The following PCDH11X variants were observed in gnomAD, a reference collection of about 807,000 sequenced individuals.
PCDH11X encodes protocadherin 11 X-linked.
PCDH11X carries 18 observed loss-of-function variants against 53.3 expected under a neutral mutation model. The ratio of observed to expected loss-of-function variants is 0.34; its 90% CI spans 0.23 to 0.50. PCDH11X has a LOEUF of 0.50. PCDH11X is among the 20% of genes least tolerant of loss of function. The probability of loss-of-function intolerance (pLI) is 0.98; values close to 1 mark genes in which losing one functional copy is unlikely to be tolerated. For synonymous variants in PCDH11X, 279 were observed against 393.3 expected (o/e 0.71, Z 3.44); for missense variants, 570 against 1,032.4 (o/e 0.55, Z 6.14).
intron 7 of PCDH11X, among the ~76,000 whole-genome samples, chrX:92,214,815 G>A (rs144548810): frequency 0.012 from 1,287 of 111,474 alleles, 22 homozygotes; most frequent in African/African-American, 0.039. Context: ...TTGGGAAGCC[G>A]TGGCAGGTGG....
At chrX:92,293,812 A>G (rs184602786) in intron 8 of PCDH11X, among the ~76,000 whole-genome samples, 1,181 of 95,091 alleles carry the variant, frequency 0.012, 11 homozygotes, top group Non-Finnish European at 0.018. Flanking sequence ...GTCATCAAAA[A>G]CAAGGAAAAC....
At chrX:92,257,470 C>A (rs1437001246) in intron 7 of PCDH11X, among the ~76,000 whole-genome samples, 2 of 111,635 alleles carry the variant, frequency 1.8e-5, no homozygotes, top group Non-Finnish European at 3.8e-5. Flanking sequence ...CTCAAAAATC[C>A]AAAGTCCAAA....
At chrX:92,286,746 C>T (rs1368391528) in intron 8 of PCDH11X, among the ~76,000 whole-genome samples, 1 of 86,993 alleles carries the variant, frequency 1.1e-5, no homozygotes, top group Non-Finnish European at 2.2e-5. Flanking sequence ...AAAGTAGCTA[C>T]AACTGAAAAT....
At chrX:92,061,877 T>G (rs111785989) in intron 6 of PCDH11X, among the ~76,000 whole-genome samples, 32,767 of 110,766 alleles carry the variant, frequency 0.3, 5,345 homozygotes, top group African/African-American at 0.62. Flanking sequence ...AGTTTGATAA[T>G]AATAGCACTG....
intron 9 of PCDH11X, among the ~76,000 whole-genome samples, chrX:92,422,439 A>G (rs774009270): frequency 1.8e-5 from 2 of 110,169 alleles, no homozygotes; most frequent in Admixed American, 1.9e-4. Context: ...GAGTTACTTT[A>G]CTTAGAATAA....
Position 92,620,509 on chromosome X carries a change from T to C in PCDH11X, c.*1569T>C, listed in dbSNP as rs1226300540. The C allele has an allele frequency of 9.1e-6, 1 of 109,401 alleles. No homozygotes were observed. Among genetic ancestry groups the C allele is most frequent in the African/African-American group, 3.3e-5 (1 of 30,085 alleles). 9.0% of individuals were successfully genotyped at this position (109,401 alleles called of 1,213,427 possible). On this transcript the variant is annotated 3_prime_UTR_variant, in exon 11 of 11. Transcript: ENST00000682573. Reference sequence around the variant, plus strand: ...TGGGGGGGGGAGTCAATATCTCCTATTGATTAACTTAGACATAGATTTTGT... The same window carrying C: ...TGGGGGGGGGAGTCAATATCTCCTACTGATTAACTTAGACATAGATTTTGT...
intron 6 of PCDH11X, among the ~76,000 whole-genome samples, chrX:91,963,875 C>T (rs111727845): frequency 0.014 from 1,526 of 109,748 alleles, 41 homozygotes; most frequent in African/African-American, 0.05. Flanking sequence ...AAGTGCCAAG[C>T]GAAACAAGGA....
intron 9 of PCDH11X, among the ~76,000 whole-genome samples, chrX:92,454,267 G>T: frequency 9.3e-6 from 1 of 107,174 alleles, no homozygotes; most frequent in East Asian, 2.8e-4. Context: ...TAAAATATAT[G>T]TGTATCTAAA....
intron 6 of PCDH11X, among the ~76,000 whole-genome samples, chrX:92,056,479 G>T (rs1219458085): frequency 9.0e-6 from 1 of 111,344 alleles, no homozygotes; most frequent in African/African-American, 3.3e-5. Flanking sequence ...CCATTCTGTA[G>T]GTTGTCTGTT....
intron 4 of PCDH11X, among the ~76,000 whole-genome samples, chrX:91,822,217 C>T (rs1424531357): frequency 1.8e-5 from 2 of 109,494 alleles, no homozygotes; most frequent in Admixed American, 1.9e-4. Context: ...TTCTCTCTTT[C>T]TCTATTGATT....
chrX:92,351,135 A>C (rs1473841558), intron 8 of PCDH11X, among the ~76,000 whole-genome samples: 6 of 111,987 alleles, frequency 5.4e-5, no homozygotes, highest in Non-Finnish European at 1.1e-4. Context: ...TCAGTCCAAA[A>C]ATACAATAAT....
intron 6 of PCDH11X, among the ~76,000 whole-genome samples, chrX:92,189,765 C>T (rs187040506): frequency 1.2e-3 from 138 of 111,706 alleles, no homozygotes; most frequent in African/African-American, 3.8e-3. Context: ...TTGTAACTGG[C>T]GTGACATGGT....
chrX:92,498,914 TATA>T (rs1423513650), intron 10 of PCDH11X, among the ~76,000 whole-genome samples: 6 of 89,383 alleles, frequency 6.7e-5, no homozygotes. Flanking sequence ...ATTATAATAT[TATA>T]ATATTATAAT....
chrX:91,965,916 A>G (rs1192702669), intron 6 of PCDH11X, among the ~76,000 whole-genome samples: 1 of 111,816 alleles, frequency 8.9e-6, no homozygotes, highest in African/African-American at 3.3e-5. Context: ...GATGACAAGT[A>G]TTACCAAGGA....
intron 6 of PCDH11X, among the ~76,000 whole-genome samples, chrX:91,931,541 G>A (rs1343157459): frequency 8.1e-5 from 9 of 110,881 alleles, no homozygotes; most frequent in Non-Finnish European, 1.7e-4. Flanking sequence ...CTCTATTGAA[G>A]GGCTTCAGGT....
At chrX:92,439,279 C>T (rs1219326663) in intron 9 of PCDH11X, among the ~76,000 whole-genome samples, 4 of 111,448 alleles carry the variant, frequency 3.6e-5, no homozygotes, top group Non-Finnish European at 7.5e-5. Context: ...AACAATTAAT[C>T]TTATATATTA....
intron 10 of PCDH11X, among the ~76,000 whole-genome samples, chrX:92,493,866 C>T (rs1340878933): frequency 1.9e-5 from 2 of 107,600 alleles, no homozygotes; most frequent in Non-Finnish European, 3.8e-5. Context: ...AGGCTGGTCT[C>T]AAACTCCTGA....
intron 6 of PCDH11X, among the ~76,000 whole-genome samples, chrX:92,160,211 A>G (rs111393097): frequency 0.034 from 3,675 of 107,061 alleles, 176 homozygotes; most frequent in African/African-American, 0.12. Flanking sequence ...ATTTAGTTAC[A>G]TGAGTAAGTT....
intron 6 of PCDH11X, among the ~76,000 whole-genome samples, chrX:92,022,065 C>A (rs1602698668): frequency 9.3e-6 from 1 of 106,964 alleles, no homozygotes; most frequent in East Asian, 3.4e-4. Context: ...ACTGAAAAAA[C>A]AAACCAAAAT....
Sources: gnomAD v4.1 joint callset for allele counts (sites outside exome capture counted in the v4.1 genomes callset) on GRCh38, gnomAD v4.1.1 for gene constraint, MANE v1.5 for transcripts, NCBI Gene and HGNC (gene_info 2026-07-23, HGNC 2026-07-21) for gene names.